The following NKAIN3 variants were observed in gnomAD, a reference collection of about 807,000 sequenced individuals.
The protein encoded by NKAIN3 is sodium/potassium-transporting ATPase subunit beta-1-interacting protein 3.
NKAIN3 carries 25 observed loss-of-function variants against 30.2 expected under a neutral mutation model. The observed-to-expected ratio is 0.83, with a 90% CI of 0.60 to 1.16. The LOEUF (loss-of-function observed/expected upper bound fraction) is 1.16, where lower values mean the gene tolerates loss of function less well. NKAIN3 is among the 50% of genes most tolerant of loss of function. The pLI, the probability that NKAIN3 is intolerant of heterozygous loss-of-function variation, is 0.00. For synonymous variants in NKAIN3, 91 were observed against 89.6 expected, an observed-to-expected ratio of 1.02 and a Z score of -0.09; for missense variants, 225 against 254.1, an observed-to-expected ratio of 0.89 and a Z score of 0.78.
chr8:62,804,945 C>G (rs1818216371), intron 4 of NKAIN3, among the ~76,000 whole-genome samples: 1 of 152,226 alleles, frequency 6.6e-6, no homozygotes, highest in Non-Finnish European at 1.5e-5. Context: ...TAAGCAGCTT[C>G]AGCAAAGTCT....
Position 62,977,303 on chromosome 8 carries a change from C to G in NKAIN3, c.*11896C>G, listed in dbSNP as rs921018664. Among the ~76,000 whole-genome samples the G allele has an allele frequency of 6.6e-6, 1 of 152,114 alleles. No individual in the cohort carries two copies. Among genetic ancestry groups the G allele is most frequent in the Admixed American group, 6.5e-5 (1 of 15,268 alleles). Reference sequence around the variant, plus strand: ...TAAATTGTGCTTTCCAACTTGATTCCATTCTCCCCATCACTTTTAGGTACA... The same window carrying G: ...TAAATTGTGCTTTCCAACTTGATTCGATTCTCCCCATCACTTTTAGGTACA... On this transcript the variant is annotated 3_prime_UTR_variant, in exon 7 of 7. Coordinates refer to ENST00000623646, the MANE Select transcript of NKAIN3 (RefSeq NM_001304533.3).
At chr8:62,745,705 T>C (rs1267720409) in intron 3 of NKAIN3, among the ~76,000 whole-genome samples, 3 of 152,092 alleles carry the variant, frequency 2.0e-5, no homozygotes, top group Admixed American at 6.5e-5. Flanking sequence ...TGAAAGTGTA[T>C]TTTGATATAC....
intron 3 of NKAIN3, among the ~76,000 whole-genome samples, chr8:62,631,986 T>G (rs1445832971): frequency 1.3e-5 from 2 of 152,152 alleles, no homozygotes. Context: ...ATATTAAAAT[T>G]ATAACACTAT....
At chr8:62,770,371 G>C (rs933996875) in intron 4 of NKAIN3, among the ~76,000 whole-genome samples, 2 of 152,186 alleles carry the variant, frequency 1.3e-5, no homozygotes, top group African/African-American at 4.8e-5. Flanking sequence ...TGCTATAATA[G>C]AATACTACAG....
intron 1 of NKAIN3, among the ~76,000 whole-genome samples, chr8:62,489,272 G>A (rs1240250203): frequency 7.3e-5 from 11 of 151,332 alleles, no homozygotes; most frequent in East Asian, 1.9e-4. Flanking sequence ...TGATCTGCCC[G>A]CCTCGGCCTC....
intron 3 of NKAIN3, among the ~76,000 whole-genome samples, chr8:62,719,765 T>C (rs1158134496): frequency 1.4e-5 from 2 of 146,128 alleles, no homozygotes; most frequent in Non-Finnish European, 3.0e-5. Flanking sequence ...TTTTTTTTTT[T>C]TTTTTTTTTG....
chr8:62,404,345 A>G (rs1053837089), intron 1 of NKAIN3, among the ~76,000 whole-genome samples: 11 of 152,176 alleles, frequency 7.2e-5, no homozygotes, highest in African/African-American at 2.7e-4. Context: ...TGGAGGGGCC[A>G]GGGGAGGAAT....
intron 1 of NKAIN3, among the ~76,000 whole-genome samples, chr8:62,293,276 G>C (rs1813714189): frequency 6.6e-6 from 1 of 152,172 alleles, no homozygotes; most frequent in African/African-American, 2.4e-5. Context: ...TCCGTTGCTG[G>C]CGAGGAGCTG....
intron 3 of NKAIN3, among the ~76,000 whole-genome samples, chr8:62,629,032 T>G (rs1811871660): frequency 6.6e-6 from 1 of 152,176 alleles, no homozygotes; most frequent in Non-Finnish European, 1.5e-5. Flanking sequence ...AATATCTATT[T>G]GTAAACATTT....
chr8:62,351,992 G>A (rs1426674235), intron 1 of NKAIN3, among the ~76,000 whole-genome samples: 1 of 152,162 alleles, frequency 6.6e-6, no homozygotes, highest in African/African-American at 2.4e-5. Flanking sequence ...GTGTATGGAT[G>A]AACACTATGG....
chr8:62,653,657 T>C (rs1812688756), intron 3 of NKAIN3, among the ~76,000 whole-genome samples: 1 of 152,150 alleles, frequency 6.6e-6, no homozygotes, highest in South Asian at 2.1e-4. Context: ...TAATTTTGTT[T>C]GGATCTTGGG....
rs151098386 is a variant in NKAIN3, at chr8:62,635,044, G to A, written c.273+45250G>A. On this transcript the variant is annotated intron_variant, in intron 3 of 6. Transcript: ENST00000623646. ...ATTCTAATTTACCTGGGGGGTCGGG[G>A]GCATGGGTCAACCATGAGAAAGTGG... Among the ~76,000 whole-genome samples, 102 of 152,076 alleles carry A rather than the reference G, an allele frequency of 6.7e-4. 1 individual carries two copies. The Middle Eastern group carries it at 0.01, about 15-fold the overall frequency.
At chr8:62,523,660 C>T (rs994670559) in intron 1 of NKAIN3, among the ~76,000 whole-genome samples, 1 of 152,090 alleles carries the variant, frequency 6.6e-6, no homozygotes, top group African/African-American at 2.4e-5. Flanking sequence ...CTATAGGGCG[C>T]ACAGCATGGG....
chr8:62,551,821 A>G (rs544884725), intron 1 of NKAIN3, among the ~76,000 whole-genome samples: 1 of 152,312 alleles, frequency 6.6e-6, no homozygotes, highest in Non-Finnish European at 1.5e-5. Flanking sequence ...TATCAGAGAT[A>G]TTTCTGGCCA....
In NKAIN3 at chr8:62,415,818, C is replaced by G. The variant is rs890640648; in HGVS notation, c.55-163721C>G. Among the ~76,000 whole-genome samples, 6 of 151,726 alleles carry G rather than the reference C, an allele frequency of 4.0e-5. No homozygotes were observed. The East Asian group carries it at 1.2e-3, about 30-fold the overall frequency. Reference sequence around the variant, plus strand: ...TGTCGCCCAGGCTGGAGTGCAGTGGCGCGATCTCGGCTCACGGCAAGCTCT... The same window carrying G: ...TGTCGCCCAGGCTGGAGTGCAGTGGGGCGATCTCGGCTCACGGCAAGCTCT... On this transcript the variant is annotated intron_variant, in intron 1 of 6. Coordinates refer to ENST00000623646, the MANE Select transcript of NKAIN3 (RefSeq NM_001304533.3).
Position 62,625,968 on chromosome 8 carries a change from A to T in NKAIN3, c.273+36174A>T, listed in dbSNP as rs531361291. Among the ~76,000 whole-genome samples the T allele has an allele frequency of 8.5e-5, 13 of 152,202 alleles. No homozygotes were observed. In the South Asian group the frequency reaches 2.7e-3, roughly 32 times the overall value. On this transcript the variant is annotated intron_variant, in intron 3 of 6. Coordinates refer to ENST00000623646, the MANE Select transcript of NKAIN3 (RefSeq NM_001304533.3). ...AATTGACAAAAAAAATCATATAAGT[A>T]AGAAAACTGAGGCGTCGAGGAAACT...
intron 1 of NKAIN3, among the ~76,000 whole-genome samples, chr8:62,486,340 G>A (rs565978488): frequency 5.9e-5 from 9 of 152,074 alleles, no homozygotes; most frequent in African/African-American, 2.2e-4. Flanking sequence ...AAAGAAGAAC[G>A]ATCTTATAAG....
chr8:62,743,309 A>G (rs1487765571), intron 3 of NKAIN3, among the ~76,000 whole-genome samples: 2 of 152,202 alleles, frequency 1.3e-5, no homozygotes, highest in African/African-American at 4.8e-5. Context: ...AAATGTTTCT[A>G]ATCTAGTACT....
intron 3 of NKAIN3, among the ~76,000 whole-genome samples, chr8:62,724,571 A>G (rs1331019889): frequency 6.6e-6 from 1 of 152,080 alleles, no homozygotes; most frequent in African/African-American, 2.4e-5. Flanking sequence ...TCTACTCTAT[A>G]TCCTAATGAA....
Sources: allele counts gnomAD v4.1 joint callset (sites outside exome capture counted in the v4.1 genomes callset), GRCh38; gene constraint gnomAD v4.1.1; transcripts MANE v1.5; gene names NCBI Gene and HGNC (gene_info 2026-07-23, HGNC 2026-07-21).